The following NCAM2 variants were observed in gnomAD, a reference collection of about 807,000 sequenced individuals.
NCAM2 encodes N-CAM-2.
A neutral mutation model predicts 98.1 loss-of-function variants in NCAM2; 30 were observed. The ratio of observed to expected loss-of-function variants is 0.31; its 90% CI spans 0.23 to 0.41. The LOEUF is 0.41. Among genes scored for constraint, NCAM2 ranks in the 10% least tolerant of loss-of-function variants. The pLI is 1.00. For missense variants in NCAM2, 867 were observed against 1,005.8 expected (o/e 0.86, Z 1.87); for synonymous variants, 368 against 342.4 (o/e 1.07, Z -0.83).
chr21:21,190,523 T>C (rs1038548637), intron 1 of NCAM2, among the ~76,000 whole-genome samples: 2 of 152,196 alleles, frequency 1.3e-5, no homozygotes, highest in African/African-American at 4.8e-5. Flanking sequence ...TTCTTCAGTG[T>C]TCTGGTTATT....
intron 14 of NCAM2, among the ~76,000 whole-genome samples, chr21:21,474,008 C>T (rs1984826138): frequency 6.6e-6 from 1 of 151,546 alleles, no homozygotes; most frequent in Non-Finnish European, 1.5e-5. Context: ...TTAATAATAG[C>T]CATATTCAGC....
At chr21:21,512,695 C>T (rs1988466083) in intron 16 of NCAM2, among the ~76,000 whole-genome samples, 2 of 151,952 alleles carry the variant, frequency 1.3e-5, no homozygotes, top group South Asian at 4.1e-4. Context: ...GACATTTTGA[C>T]AACATTTATT....
At position 21,141,456 on chromosome 21, in the gene NCAM2, ATGGTTAC is replaced by A. The variant is rs1601480319; in HGVS notation, c.56-139121_56-139115del. The stretch of plus-strand genomic sequence containing the variant: ...TATAAAAAATCCTCTTATCAATGAT[ATGGTTAC>A]CAGTGATACCAGAAAGGCAGAATAA... On this transcript the variant is annotated intron_variant, in intron 1 of 17. Coordinates refer to ENST00000400546, the MANE Select transcript of NCAM2 (RefSeq NM_004540.5). Among the ~76,000 whole-genome samples, 3 of 152,230 alleles carry A rather than the reference ATGGTTAC, an allele frequency of 2.0e-5. No individual in the cohort carries two copies. The East Asian group carries it at 5.8e-4, about 29-fold the overall frequency.
chr21:21,432,725 T>A (rs1480707944), intron 12 of NCAM2, among the ~76,000 whole-genome samples: 1 of 152,116 alleles, frequency 6.6e-6, no homozygotes, highest in Non-Finnish European at 1.5e-5. Context: ...ATTTGTTTAC[T>A]TTTTGTATTT....
chr21:21,194,573 A>G (rs568720928), intron 1 of NCAM2, among the ~76,000 whole-genome samples: 4 of 152,200 alleles, frequency 2.6e-5, no homozygotes, highest in Non-Finnish European at 5.9e-5. Flanking sequence ...CAGTAGCACT[A>G]ATAAATCTTA....
chr21:21,271,689 A>G (rs1393250732), intron 1 of NCAM2, among the ~76,000 whole-genome samples: 1 of 152,216 alleles, frequency 6.6e-6, no homozygotes, highest in Non-Finnish European at 1.5e-5. Context: ...AGGAATATTC[A>G]TAGTTGAGAA....
intron 1 of NCAM2, among the ~76,000 whole-genome samples, chr21:21,153,913 G>A (rs1336219664): frequency 4.6e-5 from 7 of 151,878 alleles, no homozygotes; most frequent in Non-Finnish European, 1.0e-4. Context: ...AATAAAGTGT[G>A]GGAGAGAGAG....
At chr21:21,132,402 T>TTG in intron 1 of NCAM2, among the ~76,000 whole-genome samples, 1 of 151,934 alleles carries the variant, frequency 6.6e-6, no homozygotes, top group Non-Finnish European at 1.5e-5. Context: ...GTCTTTTTTT[T>TTG]TTCATATAAT....
At chr21:21,486,414 AG>A (rs759263855) in intron 15 of NCAM2, among the ~76,000 whole-genome samples, 40 of 152,024 alleles carry the variant, frequency 2.6e-4, no homozygotes, top group Non-Finnish European at 4.4e-4. Flanking sequence ...TTATAGGGCA[AG>A]TTTTGTTTTT....
chr21:21,523,579 T>A (rs1372053698), intron 16 of NCAM2, among the ~76,000 whole-genome samples: 2 of 151,982 alleles, frequency 1.3e-5, no homozygotes, highest in African/African-American at 4.8e-5. Context: ...AACAATGTAT[T>A]GTATTATATT....
intron 1 of NCAM2, among the ~76,000 whole-genome samples, chr21:21,144,761 T>A (rs963411397): frequency 4.1e-4 from 63 of 152,150 alleles, no homozygotes; most frequent in Admixed American, 1.3e-4. Flanking sequence ...TCCACTTACA[T>A]TCATAGATTT....
chr21:21,421,679 A>G (rs879649266), intron 11 of NCAM2, among the ~76,000 whole-genome samples: 2 of 152,184 alleles, frequency 1.3e-5, no homozygotes, highest in Non-Finnish European at 2.9e-5. Flanking sequence ...GACATTTATT[A>G]TATAAAAAAT....
At chr21:21,000,555 C>T (rs1025914392) in intron 1 of NCAM2, among the ~76,000 whole-genome samples, 2 of 152,040 alleles carry the variant, frequency 1.3e-5, no homozygotes, top group East Asian at 1.9e-4. Flanking sequence ...AGTCAGGATA[C>T]GAGGTGGTTA....
At chr21:21,429,802 A>C (rs956356573) in intron 11 of NCAM2, among the ~76,000 whole-genome samples, 1 of 152,170 alleles carries the variant, frequency 6.6e-6, no homozygotes, top group African/African-American at 2.4e-5. Context: ...TTGTAACATC[A>C]TGTACTTCAT....
intron 1 of NCAM2, among the ~76,000 whole-genome samples, chr21:21,029,734 GAT>G (rs2064633974): frequency 6.6e-6 from 1 of 152,046 alleles, no homozygotes; most frequent in African/African-American, 2.4e-5. Flanking sequence ...GGGTTCAAGT[GAT>G]CCCCCTGCCT....
chr21:21,301,384 AT>A (rs531998939), intron 5 of NCAM2, among the ~76,000 whole-genome samples: 3,255 of 146,098 alleles, frequency 0.022, 91 homozygotes, highest in East Asian at 0.14. Context: ...TTTTTTTTCT[AT>A]TTTTTTTTTT....
chr21:21,062,090 G>T (rs2065334899), intron 1 of NCAM2, among the ~76,000 whole-genome samples: 2 of 152,074 alleles, frequency 1.3e-5, no homozygotes, highest in African/African-American at 4.8e-5. Context: ...TTTAGAAGTG[G>T]TATAATGTAA....
At chr21:21,215,450 A>G (rs1043538749) in intron 1 of NCAM2, among the ~76,000 whole-genome samples, 3 of 152,046 alleles carry the variant, frequency 2.0e-5, no homozygotes, top group Admixed American at 2.0e-4. Context: ...CTTCAAGAGT[A>G]TATGTGTGCC....
chr21:21,331,514 T>TA (rs71195320), intron 6 of NCAM2, among the ~76,000 whole-genome samples: 8 of 4,774 alleles, frequency 1.7e-3, no homozygotes, highest in East Asian at 9.1e-3. Context: ...ATACTCTCTC[T>TA]CTCTATATAT....
Sources: allele counts gnomAD v4.1 joint callset (sites outside exome capture counted in the v4.1 genomes callset), GRCh38; gene constraint gnomAD v4.1.1; transcripts MANE v1.5; gene names NCBI Gene and HGNC (gene_info 2026-07-23, HGNC 2026-07-21).